The following SNIP1 variants were observed in gnomAD, a reference collection of about 807,000 sequenced individuals.
SNIP1 encodes the protein smad nuclear-interacting protein 1.
Under a neutral mutation model 37.4 loss-of-function variants are expected in SNIP1, and 23 were observed. That is an observed-to-expected ratio of 0.61 (90% CI 0.44 to 0.87). The LOEUF (loss-of-function observed/expected upper bound fraction) is 0.87. Among genes scored for constraint, SNIP1 ranks in the 40% least tolerant of loss-of-function variants. SNIP1 has a pLI of 0.00. For synonymous variants in SNIP1, 174 were observed against 200.0 expected (o/e 0.87, Z 1.10); for missense variants, 459 against 540.4 (o/e 0.85, Z 1.49).
rs767561966 is a variant in SNIP1 at position 37,540,391 on chromosome 1, G to A, written c.692C>T (p.Ala231Val). ...GAAAGTGTTGGTGTCCTCAAGAAGT[G>A]CCCCAGAAAGTTCAAAGCTTGGTTT... is the stretch of plus-strand genomic sequence containing the variant. ...KEKPSFELSG[A>V]LLEDTNTFRG... The change falls in exon 3 of 4, where the codon GCA becomes GTA. Residue 231 changes from alanine to valine, a missense_variant. Ala to Val is a moderately conservative substitution (Grantham distance 64). Coordinates refer to ENST00000296215, the MANE Select transcript of SNIP1 (RefSeq NM_024700.4). The surrounding 1 kb of genome is among the most constrained non-coding windows in gnomAD (Gnocchi z 5.6). 2.6e-5 allele frequency: 42 copies of A among 1,613,964 alleles called. No homozygotes were observed. The highest frequency in any genetic ancestry group is 3.5e-5 in the Non-Finnish European group (41 of 1,180,026).
At chr1:37,544,833 T>G in intron 2 of SNIP1, 1 of 774,376 alleles carries the variant, frequency 1.3e-6, no homozygotes, top group Non-Finnish European at 2.3e-6. Flanking sequence ...AACGTGGAGC[T>G]CTATGCCTCC....
Position 37,554,075 on chromosome 1 carries a change from C to T in SNIP1, c.155G>A (p.Ser52Asn), listed in dbSNP as rs1249440457. 2 of 1,604,250 alleles carry T rather than the reference C, an allele frequency of 1.2e-6. No homozygotes were observed. Among genetic ancestry groups the T allele is most frequent in the Non-Finnish European group, 1.7e-6 (2 of 1,176,458 alleles). Reference protein sequence around the residue: ...AHRRPDHSGGSPSPPTSEPAR... With the variant: ...AHRRPDHSGGNPSPPTSEPAR... ...CGGCTCGCTGGTCGGCGGAGACGGG[C>T]TACCACCGGAGTGGTCCGGACGGCG... Residue 52 changes from serine to asparagine, a missense_variant, in exon 1 of 4, where the codon AGC becomes AAC. Coordinates refer to ENST00000296215, the MANE Select transcript of SNIP1 (RefSeq NM_024700.4).
At chr1:37,553,062 CTCTT>C (rs2148118414) in intron 1 of SNIP1, among the ~76,000 whole-genome samples, 1 of 152,336 alleles carries the variant, frequency 6.6e-6, no homozygotes, top group East Asian at 1.9e-4. Flanking sequence ...TCACCCTTGA[CTCTT>C]TATCCTTCAC....
intron 3 of SNIP1, among the ~76,000 whole-genome samples, chr1:37,538,959 T>TA (rs1207389559): frequency 2.6e-5 from 4 of 152,188 alleles, no homozygotes; most frequent in African/African-American, 7.2e-5. Context: ...GCAGTGGCAT[T>TA]AGAGTCTCGT....
chr1:37,538,953 T>G (rs1295574225), intron 3 of SNIP1, among the ~76,000 whole-genome samples: 1 of 152,160 alleles, frequency 6.6e-6, no homozygotes, highest in Non-Finnish European at 1.5e-5. Context: ...AGATCAGCAG[T>G]GGCATTAGAG....
At chr1:37,539,482 C>G (rs900331912) in intron 3 of SNIP1, among the ~76,000 whole-genome samples, 4 of 152,184 alleles carry the variant, frequency 2.6e-5, no homozygotes, top group Non-Finnish European at 5.9e-5. Context: ...AAGGCCAAGG[C>G]AGGCGGATCA....
rs928029967 is a variant in SNIP1 at position 37,535,459 on chromosome 1, G to A, written c.*2289C>T. On this transcript the variant is annotated 3_prime_UTR_variant, in exon 4 of 4. Transcript: ENST00000296215. ...TGGCATAAAGAATTTCTTAATCCAG[G>A]ACGTTATTCCTCTACTAAAATAAAA... is the stretch of plus-strand genomic sequence containing the variant. 7.3e-5 allele frequency: 11 copies of A among 151,686 alleles called. No homozygotes were observed. The highest frequency in any genetic ancestry group is 2.7e-4 in the African/African-American group (11 of 41,192). The allele number at this position is 151,686 out of a possible 1,614,324, so 9.4% of individuals were successfully genotyped here.
chr1:37,544,172 C>A (rs930225643), intron 2 of SNIP1, among the ~76,000 whole-genome samples: 3 of 150,184 alleles, frequency 2.0e-5, no homozygotes, highest in African/African-American at 7.3e-5. Context: ...AGAGGCCGGG[C>A]GAAGTGGCTC....
At chr1:37,551,075 ACACACAC>A (rs1643295656) in intron 2 of SNIP1, among the ~76,000 whole-genome samples, 4 of 9,394 alleles carry the variant, frequency 4.3e-4, no homozygotes, top group Non-Finnish European at 2.4e-3. Flanking sequence ...AGCCTGGGTG[ACACACAC>A]ACACACACAC....
At position 37,536,877 on chromosome 1, in the gene SNIP1, T is replaced by C. The variant is rs1056433952; in HGVS notation, c.*871A>G. 2 of 152,162 alleles carry C rather than the reference T, an allele frequency of 1.3e-5. No homozygotes were observed. Among genetic ancestry groups the C allele is most frequent in the African/African-American group, 4.8e-5 (2 of 41,432 alleles). 9.4% of individuals were successfully genotyped at this position (152,162 alleles called of 1,614,324 possible). On this transcript the variant is annotated 3_prime_UTR_variant, in exon 4 of 4. Coordinates refer to ENST00000296215, the MANE Select transcript of SNIP1 (RefSeq NM_024700.4). ...CCTGCTTTAGATCTATACATGTTAT[T>C]AGAATAAAGAAAGAACGCTGTCACA...
At position 37,537,877 on chromosome 1, in the gene SNIP1, T is replaced by G; in HGVS notation, c.1062A>C (p.Glu354Asp). 1 of 1,614,224 alleles carries G rather than the reference T, an allele frequency of 6.2e-7. No homozygotes were observed. Among genetic ancestry groups the G allele is most frequent in the Non-Finnish European group, 8.5e-7 (1 of 1,180,042 alleles). ...IEPQRYYELK[E>D]KDVLKFGFSS... ...TGAATCCAAATTTGAGTACATCCTT[T>G]TCTTTTAGTTCATAGTATCTCTGTG... Residue 354 changes from glutamate (E) to aspartate (D), a missense_variant, in exon 4 of 4, where the codon GAA becomes GAC. Physicochemically the swap from Glu to Asp is conservative, Grantham distance 45. Coordinates refer to ENST00000296215, the MANE Select transcript of SNIP1 (RefSeq NM_024700.4).
rs556436151 is a variant in SNIP1, at chr1:37,541,072, C to A, written c.328-317G>T. 43 of 235,756 alleles carry A rather than the reference C, an allele frequency of 1.8e-4. No homozygotes were observed. In the Middle Eastern group the frequency reaches 5.7e-3, roughly 31 times the overall value. 14.6% of individuals were successfully genotyped at this position (235,756 alleles called of 1,614,324 possible). A position where few individuals can be genotyped will look rare whatever the true frequency, so the allele number is the denominator to read the frequency against. ...TCCCTCCTTTTCAGAACAAAGGTAACTATGGGCAAACTTACAGGGAAGAAT... is the reference window on the plus strand; with the variant it reads ...TCCCTCCTTTTCAGAACAAAGGTAAATATGGGCAAACTTACAGGGAAGAAT... On this transcript the variant is annotated intron_variant, in intron 2 of 3. Coordinates refer to ENST00000296215, the MANE Select transcript of SNIP1 (RefSeq NM_024700.4).
intron 2 of SNIP1, among the ~76,000 whole-genome samples, chr1:37,545,831 C>T (rs900141940): frequency 2.6e-5 from 4 of 152,002 alleles, no homozygotes; most frequent in Non-Finnish European, 5.9e-5. Context: ...AAATTAAAAA[C>T]TAAAAATTTA....
chr1:37,542,004 A>G (rs1241416720), intron 2 of SNIP1, among the ~76,000 whole-genome samples: 1 of 151,494 alleles, frequency 6.6e-6, no homozygotes. Flanking sequence ...ATGATTTGAA[A>G]AGTTTTTTTT....
chr1:37,539,664 C>T (rs1036051661), intron 3 of SNIP1, among the ~76,000 whole-genome samples: 7 of 152,150 alleles, frequency 4.6e-5, no homozygotes, highest in Non-Finnish European at 8.8e-5. Flanking sequence ...GAGTTGAGAT[C>T]GCGCCACTGC....
At chr1:37,538,123 C>A in intron 3 of SNIP1, 111 bp from the exon 4 acceptor site, 1 of 1,265,912 alleles carries the variant, frequency 7.9e-7, no homozygotes. Context: ...CTGGCTTGAG[C>A]ACAATTCAAG....
In SNIP1 at chr1:37,542,611, A is replaced by G. The variant is rs113953228; in HGVS notation, c.328-1856T>C. Among the ~76,000 whole-genome samples, 717 of 152,228 alleles carry G rather than the reference A, an allele frequency of 4.7e-3. 5 individuals are homozygous for G. The highest frequency in any genetic ancestry group is 0.017 in the African/African-American group (686 of 41,530). On this transcript the variant is annotated intron_variant, in intron 2 of 3. Coordinates refer to ENST00000296215, the MANE Select transcript of SNIP1 (RefSeq NM_024700.4). ...AAAAATTAGCTGGGCACAGTGGTGC[A>G]TGCCTGTAGTCCCAGCTACTCGGAA...
chr1:37,552,316 A>G (rs1306317351), intron 2 of SNIP1, among the ~76,000 whole-genome samples: 1 of 152,220 alleles, frequency 6.6e-6, no homozygotes, highest in African/African-American at 2.4e-5. Context: ...ATCGATGTCA[A>G]TATTCTGATG....
rs954640655 is a variant in SNIP1 at position 37,534,638 on chromosome 1, A to G, written c.*3110T>C. The G allele has an allele frequency of 2.6e-5, 4 of 152,180 alleles. No individual in the cohort carries two copies. The highest frequency in any genetic ancestry group is 9.6e-5 in the African/African-American group (4 of 41,452). 9.4% of individuals were successfully genotyped at this position (152,180 alleles called of 1,614,324 possible). ...TGTTCCTCAGATCCTGACATACACA[A>G]TGAAAGTATTTGAAAGTTACATAAC... On this transcript the variant is annotated 3_prime_UTR_variant, in exon 4 of 4. Coordinates refer to ENST00000296215, the MANE Select transcript of SNIP1 (RefSeq NM_024700.4).
Sources: allele counts gnomAD v4.1 joint callset (sites outside exome capture counted in the v4.1 genomes callset), GRCh38; gene constraint gnomAD v4.1.1; non-coding constraint Gnocchi (gnomAD v3.1); transcripts MANE v1.5; gene names NCBI Gene and HGNC (gene_info 2026-07-23, HGNC 2026-07-21).